CNTNAP4: variants seen among roughly 807,000 people sequenced by gnomAD.
The protein encoded by CNTNAP4 is contactin-associated protein-like 4.
CNTNAP4 carries 98 observed loss-of-function variants against 148.4 expected under a neutral mutation model. The ratio of observed to expected loss-of-function variants is 0.66; its 90% CI spans 0.56 to 0.78. CNTNAP4 has a LOEUF of 0.78. CNTNAP4 is among the 30% of genes least tolerant of loss of function. The pLI is 0.00. For synonymous variants in CNTNAP4, 730 were observed against 565.1 expected, an observed-to-expected ratio of 1.29 and a Z score of -4.14; for missense variants, 1,935 against 1,565.6, an observed-to-expected ratio of 1.24 and a Z score of -3.98.
Position 76,559,722 on chromosome 16 carries a change from C to G in CNTNAP4, c.*1039C>G, listed in dbSNP as rs1290701810. Among the ~76,000 whole-genome samples, 1 of 151,954 alleles carries G rather than the reference C, an allele frequency of 6.6e-6. No individual in the cohort carries two copies. The highest frequency in any genetic ancestry group is 1.5e-5 in the Non-Finnish European group (1 of 67,974). ...ACTTCACGAATCATCTTATATATTA[C>G]CAAAAAAGAGACAAATTGAAGTATA... On this transcript the variant is annotated 3_prime_UTR_variant, in exon 24 of 24. Transcript: ENST00000611870.
Position 76,462,086 on chromosome 16 carries a change from T to G in CNTNAP4, c.1464T>G (p.Gly488=). ...PLLGPEQIYS[G]GTYYFGGCPD... ...TGGGGCCTGAGCAGATTTATTCGGG[T>G]GGCACCTATTATTTTGGAGGTAAGA... The change falls in exon 9 of 24, where the codon GGT becomes GGG. Residue 488 remains glycine, a synonymous_variant. Coordinates refer to ENST00000611870, the MANE Select transcript of CNTNAP4 (RefSeq NM_033401.5). 1 of 1,613,614 alleles carries G rather than the reference T, an allele frequency of 6.2e-7. No homozygotes were observed. The highest frequency in any genetic ancestry group is 1.7e-4 in the Middle Eastern group (1 of 5,966).
At chr16:76,303,651 C>T (rs894577313) in intron 1 of CNTNAP4, among the ~76,000 whole-genome samples, 4 of 152,148 alleles carry the variant, frequency 2.6e-5, no homozygotes, top group Admixed American at 2.0e-4. Flanking sequence ...ATTCCTTTCT[C>T]TCTTTCTTAA....
At chr16:76,442,572 A>G (rs13331860) in intron 4 of CNTNAP4, among the ~76,000 whole-genome samples, 42,919 of 151,878 alleles carry the variant, frequency 0.28, 9,318 homozygotes, top group African/African-American at 0.6. Context: ...TGCAGGGTCA[A>G]AACAGTGGAG....
chr16:76,410,141 C>T (rs1309284766), intron 3 of CNTNAP4, among the ~76,000 whole-genome samples: 1 of 151,514 alleles, frequency 6.6e-6, no homozygotes, highest in Non-Finnish European at 1.5e-5. Context: ...GTCTCCAGTA[C>T]AAAAGTTTGG....
chr16:76,349,052 T>A (rs1389499566), intron 2 of CNTNAP4, among the ~76,000 whole-genome samples: 1 of 151,912 alleles, frequency 6.6e-6, no homozygotes, highest in Non-Finnish European at 1.5e-5. Flanking sequence ...GCCCAACGAA[T>A]GTCTTATGTA....
intron 12 of CNTNAP4, among the ~76,000 whole-genome samples, chr16:76,483,556 C>T (rs547183659): frequency 6.5e-4 from 99 of 152,242 alleles, no homozygotes; most frequent in Non-Finnish European, 1.1e-3. Flanking sequence ...ATCTAACATA[C>T]GTGTTTTCTT....
rs768691880 is a variant in CNTNAP4 at position 76,479,472 on chromosome 16, T to C, written c.1816T>C (p.Phe606Leu). 3.7e-6 allele frequency: 6 copies of C among 1,611,018 alleles called. No individual in the cohort carries two copies. The highest frequency in any genetic ancestry group is 5.1e-6 in the Non-Finnish European group (6 of 1,178,592). ...AYKHRGNTSG[F>L]YYIDSDGSGP... Reference sequence around the variant, plus strand: ...TAAGCACAGAGGAAATACTTCAGGGTTTTACTATATAGATTCAGATGGAAG... The same window carrying C: ...TAAGCACAGAGGAAATACTTCAGGGCTTTACTATATAGATTCAGATGGAAG... The change falls in exon 12 of 24, where the codon TTT becomes CTT. Residue 606 changes from phenylalanine to leucine, a missense_variant. Transcript: ENST00000611870.
chr16:76,393,727 G>C (rs973652345), intron 3 of CNTNAP4, among the ~76,000 whole-genome samples: 1 of 152,086 alleles, frequency 6.6e-6, no homozygotes, highest in Non-Finnish European at 1.5e-5. Flanking sequence ...TGGGGCAGAG[G>C]GTATCCTGGG....
At chr16:76,404,553 C>T (rs761084192) in intron 3 of CNTNAP4, among the ~76,000 whole-genome samples, 1 of 152,002 alleles carries the variant, frequency 6.6e-6, no homozygotes, top group Non-Finnish European at 1.5e-5. Flanking sequence ...GTAGGGCTAA[C>T]CAAGGGTCTG....
At chr16:76,493,522 A>G (rs928273416) in intron 13 of CNTNAP4, among the ~76,000 whole-genome samples, 1 of 152,030 alleles carries the variant, frequency 6.6e-6, no homozygotes, top group East Asian at 1.9e-4. Flanking sequence ...ACCACAGTCT[A>G]TACCTTAAAA....
chr16:76,297,488 T>A (rs911525676), intron 1 of CNTNAP4, among the ~76,000 whole-genome samples: 1 of 152,168 alleles, frequency 6.6e-6, no homozygotes, highest in Non-Finnish European at 1.5e-5. Flanking sequence ...CTCCGAGTTG[T>A]GTTACAGTGA....
At chr16:76,491,646 A>G (rs1186314495) in intron 13 of CNTNAP4, among the ~76,000 whole-genome samples, 1 of 152,256 alleles carries the variant, frequency 6.6e-6, no homozygotes, top group Admixed American at 6.5e-5. Context: ...TATTCTAAGA[A>G]GAAGAATGGT....
chr16:76,392,212 G>C (rs968554505), intron 3 of CNTNAP4, among the ~76,000 whole-genome samples: 1 of 152,010 alleles, frequency 6.6e-6, no homozygotes, highest in South Asian at 2.1e-4. Context: ...CAGGCTTGTC[G>C]TGAACTCCTG....
chr16:76,397,940 A>ATGTG lies in CNTNAP4; in HGVS notation c.391-29511_391-29510insGTGT, dbSNP rs1567998629. ...TCTAGAGGGACAGAACTAATAGATT[A>ATGTG]TATACATATATATATATATATATAT... On this transcript the variant is annotated intron_variant, in intron 3 of 23. Coordinates refer to ENST00000611870, the MANE Select transcript of CNTNAP4 (RefSeq NM_033401.5). Among the ~76,000 whole-genome samples the ATGTG allele has an allele frequency of 3.8e-3, 2 of 526 alleles. 1 individual carries two copies. Among genetic ancestry groups the ATGTG allele is most frequent in the East Asian group, 0.056 (2 of 36 alleles). The allele number at this position is 526 out of a possible 152,430, so 0.3% of individuals were successfully genotyped here.
intron 3 of CNTNAP4, among the ~76,000 whole-genome samples, chr16:76,388,434 A>G (rs1410163759): frequency 6.6e-6 from 1 of 152,246 alleles, no homozygotes. Flanking sequence ...GAAAATGAGC[A>G]TTGTGTAGAA....
intron 1 of CNTNAP4, among the ~76,000 whole-genome samples, chr16:76,296,958 A>G (rs75156782): frequency 0.025 from 3,769 of 152,298 alleles, 158 homozygotes; most frequent in African/African-American, 0.085. Flanking sequence ...GGCAACTGTT[A>G]CATTTTTAAA....
chr16:76,443,880 A>T (rs2080138167), intron 4 of CNTNAP4, among the ~76,000 whole-genome samples: 1 of 152,190 alleles, frequency 6.6e-6, no homozygotes, highest in Non-Finnish European at 1.5e-5. Flanking sequence ...TAGTGAAAAT[A>T]AATTCTGGTG....
At chr16:76,520,548 A>G (rs945106769) in intron 15 of CNTNAP4, among the ~76,000 whole-genome samples, 15 of 152,188 alleles carry the variant, frequency 9.9e-5, no homozygotes, top group African/African-American at 3.6e-4. Context: ...ATTTTGAATA[A>G]AAAGAGCATT....
At chr16:76,302,884 T>C (rs1960124808) in intron 1 of CNTNAP4, among the ~76,000 whole-genome samples, 1 of 152,154 alleles carries the variant, frequency 6.6e-6, no homozygotes, top group African/African-American at 2.4e-5. Context: ...CTGCATGTTG[T>C]TTAGGGAGAT....
Sources: allele counts gnomAD v4.1 joint callset (sites outside exome capture counted in the v4.1 genomes callset), GRCh38; gene constraint gnomAD v4.1.1; transcripts MANE v1.5; gene names NCBI Gene and HGNC (gene_info 2026-07-23, HGNC 2026-07-21).